The following RNGTT variants were observed in gnomAD, a reference collection of about 807,000 sequenced individuals.
RNGTT encodes the protein RNA guanylyltransferase and 5'-phosphatase.
In RNGTT, 33 loss-of-function variants were observed where a neutral mutation model predicts 79.3. The observed-to-expected ratio is 0.42, with a 90% CI of 0.32 to 0.56. The LOEUF (loss-of-function observed/expected upper bound fraction) is 0.56. RNGTT is among the 20% of genes least tolerant of loss of function. RNGTT has a pLI of 0.17. For synonymous variants in RNGTT, 222 were observed against 235.9 expected (o/e 0.94, Z 0.54); for missense variants, 497 against 739.1 (o/e 0.67, Z 3.80).
At chr6:88,684,567 A>T (rs1775205754) in intron 13 of RNGTT, among the ~76,000 whole-genome samples, 1 of 152,230 alleles carries the variant, frequency 6.6e-6, no homozygotes, top group Non-Finnish European at 1.5e-5. Flanking sequence ...TGAGCTATCA[A>T]GCCACGAAAA....
At chr6:88,625,352 AAC>A (rs1772588517) in intron 14 of RNGTT, among the ~76,000 whole-genome samples, 1 of 152,040 alleles carries the variant, frequency 6.6e-6, no homozygotes, top group South Asian at 2.1e-4. Flanking sequence ...ATGGTGAATA[AAC>A]ACATTGCAGT....
At chr6:88,935,736 A>C (rs1784646511) in intron 2 of RNGTT, among the ~76,000 whole-genome samples, 1 of 152,084 alleles carries the variant, frequency 6.6e-6, no homozygotes, top group Admixed American at 6.6e-5. Flanking sequence ...TGTTCCATTC[A>C]ATTTCCTTCA....
intron 1 of RNGTT, among the ~76,000 whole-genome samples, chr6:88,961,290 G>C (rs1261422633): frequency 6.6e-6 from 1 of 152,010 alleles, no homozygotes; most frequent in East Asian, 1.9e-4. Context: ...GATCGTGTGA[G>C]TTAACAGTTA....
intron 2 of RNGTT, among the ~76,000 whole-genome samples, chr6:88,938,290 T>C (rs1294156111): frequency 6.6e-6 from 1 of 152,194 alleles, no homozygotes; most frequent in Non-Finnish European, 1.5e-5. Context: ...AATGACCTTC[T>C]TGATCTCCTT....
chr6:88,798,388 C>G (rs575149929), intron 12 of RNGTT, among the ~76,000 whole-genome samples: 1 of 151,994 alleles, frequency 6.6e-6, no homozygotes, highest in South Asian at 2.1e-4. Context: ...TTGCTTGAAC[C>G]CAGGAGGTCG....
At chr6:88,851,464 G>C (rs977074138) in intron 9 of RNGTT, among the ~76,000 whole-genome samples, 3 of 151,798 alleles carry the variant, frequency 2.0e-5, no homozygotes, top group Non-Finnish European at 4.4e-5. Flanking sequence ...AAAATTAATA[G>C]TTGAAAAAGA....
rs1440552336 is a variant in RNGTT, at chr6:88,804,746, C to T, written c.1270-3114G>A. Among the ~76,000 whole-genome samples, 4 of 151,548 alleles carry T rather than the reference C, an allele frequency of 2.6e-5. No homozygotes were observed. In the East Asian group the frequency reaches 5.8e-4, roughly 22 times the overall value. ...AAAAAAAAAGTATCCAAACTTGTTA[C>T]GGCCATCTTCCATATATCAGTATCT... On this transcript the variant is annotated intron_variant, in intron 11 of 15. Transcript: ENST00000369485.
intron 12 of RNGTT, among the ~76,000 whole-genome samples, chr6:88,771,014 G>A (rs1778637910): frequency 6.6e-6 from 1 of 151,556 alleles, no homozygotes; most frequent in African/African-American, 2.4e-5. Flanking sequence ...AGTCTTGGTT[G>A]GATATATGTA....
At chr6:88,878,993 C>T (rs960677514) in intron 8 of RNGTT, among the ~76,000 whole-genome samples, 15 of 152,160 alleles carry the variant, frequency 9.9e-5, no homozygotes, top group Non-Finnish European at 1.8e-4. Context: ...TCTGAACATT[C>T]GGCTCCAGTC....
chr6:88,901,167 A>T (rs1562310601), intron 6 of RNGTT, among the ~76,000 whole-genome samples: 1 of 151,818 alleles, frequency 6.6e-6, no homozygotes, highest in African/African-American at 2.4e-5. Flanking sequence ...AAAAAAAAAA[A>T]TTTAAAGGCC....
intron 14 of RNGTT, among the ~76,000 whole-genome samples, chr6:88,626,222 A>G (rs964210): frequency 0.03 from 4,531 of 152,098 alleles, 220 homozygotes; most frequent in African/African-American, 0.1. Context: ...ACGCAGATGT[A>G]GAAGCTGAAG....
intron 13 of RNGTT, among the ~76,000 whole-genome samples, chr6:88,758,675 T>C (rs1370150779): frequency 6.6e-6 from 1 of 151,338 alleles, no homozygotes; most frequent in Non-Finnish European, 1.5e-5. Flanking sequence ...ATGTTCATTT[T>C]ATCCTCACTG....
At chr6:88,657,527 AC>A (rs2127780483) in intron 14 of RNGTT, among the ~76,000 whole-genome samples, 1 of 152,282 alleles carries the variant, frequency 6.6e-6, no homozygotes, top group East Asian at 1.9e-4. Flanking sequence ...GTTTTCCTAA[AC>A]AGAATCAGGG....
At chr6:88,687,358 G>A (rs1775316381) in intron 13 of RNGTT, among the ~76,000 whole-genome samples, 2 of 152,138 alleles carry the variant, frequency 1.3e-5, no homozygotes, top group African/African-American at 4.8e-5. Context: ...AGTATAACCC[G>A]TCTGGAGGGA....
chr6:88,708,501 T>C lies in RNGTT; in HGVS notation c.1440-30082A>G, dbSNP rs552173272. On this transcript the variant is annotated intron_variant, in intron 13 of 15. Coordinates refer to ENST00000369485, the MANE Select transcript of RNGTT (RefSeq NM_003800.5). ...CTCCTTCCCCTGACTAAGTGGCTAT[T>C]GCCTAATGCCAGATCTCAGCTTTGA... 4.6e-5 allele frequency among the ~76,000 whole-genome samples: 7 copies of C among 152,240 alleles called. No homozygotes were observed. The East Asian group carries it at 1.2e-3, about 25-fold the overall frequency.
intron 2 of RNGTT, among the ~76,000 whole-genome samples, chr6:88,933,243 T>C (rs1023688209): frequency 1.3e-5 from 2 of 152,242 alleles, no homozygotes; most frequent in Non-Finnish European, 2.9e-5. Flanking sequence ...CTTGAATATT[T>C]ATCATTTCTA....
intron 13 of RNGTT, among the ~76,000 whole-genome samples, chr6:88,689,314 A>G (rs1775392280): frequency 1.3e-5 from 2 of 152,076 alleles, no homozygotes; most frequent in Admixed American, 1.3e-4. Context: ...AAAAGTCTAT[A>G]CCAGGCCAGG....
chr6:88,874,472 T>C (rs1028576563), intron 8 of RNGTT, among the ~76,000 whole-genome samples: 2 of 152,160 alleles, frequency 1.3e-5, no homozygotes, highest in African/African-American at 2.4e-5. Context: ...CAGTTTTCTT[T>C]TGTATAAAGC....
chr6:88,689,607 A>G (rs1001817691), intron 13 of RNGTT, among the ~76,000 whole-genome samples: 1 of 151,734 alleles, frequency 6.6e-6, no homozygotes, highest in Non-Finnish European at 1.5e-5. Flanking sequence ...AAAAAAAAAA[A>G]AAGTCTATAC....
Sources: gnomAD v4.1 joint callset for allele counts (sites outside exome capture counted in the v4.1 genomes callset) on GRCh38, gnomAD v4.1.1 for gene constraint, MANE v1.5 for transcripts, NCBI Gene and HGNC (gene_info 2026-07-23, HGNC 2026-07-21) for gene names.